The following TG variants were observed in gnomAD, a reference collection of about 807,000 sequenced individuals.
TG encodes thyroglobulin.
In TG, 270 loss-of-function variants were observed where a neutral mutation model predicts 324.7. The ratio of observed to expected loss-of-function variants is 0.83; its 90% CI spans 0.75 to 0.92. The LOEUF is 0.92. TG is among the 40% of genes least tolerant of loss of function. The pLI, the probability that TG is intolerant of heterozygous loss-of-function variation, is 0.00. For synonymous variants in TG, 1,401 were observed against 1,327.0 expected, an observed-to-expected ratio of 1.06 and a Z score of -1.21; for missense variants, 3,591 against 3,456.4, an observed-to-expected ratio of 1.04 and a Z score of -0.98.
intron 41 of TG, among the ~76,000 whole-genome samples, chr8:133,062,451 G>A (rs1021833957): frequency 1.3e-5 from 2 of 152,256 alleles, no homozygotes; most frequent in Admixed American, 6.5e-5. Context: ...CCGCAGTTCA[G>A]CAGACACTTC....
chr8:132,989,726 G>T (rs568213980), intron 35 of TG, among the ~76,000 whole-genome samples: 1 of 152,174 alleles, frequency 6.6e-6, no homozygotes, highest in Non-Finnish European at 1.5e-5. Context: ...GAATTCACTT[G>T]ATCTTTTCTG....
At chr8:133,018,672 C>G (rs1835285864) in intron 38 of TG, among the ~76,000 whole-genome samples, 1 of 152,068 alleles carries the variant, frequency 6.6e-6, no homozygotes. Flanking sequence ...TTAAAGCATA[C>G]TCGGAGTATC....
Position 132,882,927 on chromosome 8 carries a change from C to T in TG, c.1003C>T (p.Pro335Ser). 4 of 1,614,142 alleles carry T rather than the reference C, an allele frequency of 2.5e-6. No homozygotes were observed. Among genetic ancestry groups the T allele is most frequent in the Non-Finnish European group, 3.4e-6 (4 of 1,180,020 alleles). The change falls in exon 8 of 48, where the codon CCC becomes TCC. Residue 335 changes from proline to serine, a missense_variant. Physicochemically the swap from Pro to Ser is moderately conservative, Grantham distance 74 (BLOSUM62 -1). Transcript: ENST00000220616. ...GGCGGTGCAGTGCCAGACGGAAGGG[C>T]CCTGCTGGTGTGTGGACGCCCAGGG... ...YQAVQCQTEG[P>S]CWCVDAQGKE...
chr8:132,979,146 G>C (rs982112275), intron 34 of TG, among the ~76,000 whole-genome samples: 3 of 152,132 alleles, frequency 2.0e-5, no homozygotes, highest in African/African-American at 7.2e-5. Flanking sequence ...GGGAGGAGGG[G>C]GTGGTGCGTG....
In TG at chr8:132,867,207, C is replaced by T. The variant is rs117042760; in HGVS notation, c.67+140C>T. On this transcript the variant is annotated intron_variant, in intron 1 of 47. Coordinates refer to ENST00000220616, the MANE Select transcript of TG (RefSeq NM_003235.5). ...TGTCAGTGATTTGCTTTTTTTTTTT[C>T]AGATGAAGAGGCAGATTTAGAGAGC... The T allele has an allele frequency of 8.8e-3, 6,497 of 741,470 alleles. 57 individuals are homozygous for T. The highest frequency in any genetic ancestry group is 0.074 in the East Asian group (2,690 of 36,188). The allele number at this position is 741,470 out of a possible 1,614,324, so 45.9% of individuals were successfully genotyped here.
intron 10 of TG, among the ~76,000 whole-genome samples, chr8:132,892,504 T>C (rs1816368878): frequency 1.3e-5 from 2 of 152,250 alleles, no homozygotes; most frequent in Non-Finnish European, 2.9e-5. Context: ...GAGTATGAGC[T>C]ATTACTCATC....
intron 45 of TG, among the ~76,000 whole-genome samples, chr8:133,128,817 T>C (rs150258118): frequency 1.1e-3 from 167 of 152,310 alleles, no homozygotes; most frequent in Middle Eastern, 3.4e-3. Context: ...AGGCTGACCA[T>C]ATACTGACAC....
At chr8:133,095,504 C>T (rs1221865122) in intron 42 of TG, among the ~76,000 whole-genome samples, 2 of 152,192 alleles carry the variant, frequency 1.3e-5, no homozygotes, top group African/African-American at 4.8e-5. Flanking sequence ...TGAAGTCACA[C>T]ATGTGAAGGA....
At chr8:133,124,352 G>A (rs1476206695) in intron 45 of TG, among the ~76,000 whole-genome samples, 3 of 152,158 alleles carry the variant, frequency 2.0e-5, no homozygotes, top group African/African-American at 7.2e-5. Context: ...TTCTTTGAAT[G>A]GAAGAGTGGG....
rs370476341 is a variant in TG at position 132,933,601 on chromosome 8, C to A, written c.4857C>A (p.Ser1619=). The part of the protein sequence containing the change: ...EDEACSFFTV[S]TTEPEISCDF... ...AGGCCTGCAGCTTCTTCACCGTGTCCACGACGGAGCCAGAGATTTCCTGTG... is the reference window on the plus strand; with the variant it reads ...AGGCCTGCAGCTTCTTCACCGTGTCAACGACGGAGCCAGAGATTTCCTGTG... Residue 1619 remains serine (S), a synonymous_variant, in exon 24 of 48, where the codon TCC becomes TCA. Coordinates refer to ENST00000220616, the MANE Select transcript of TG (RefSeq NM_003235.5). The A allele has an allele frequency of 6.2e-7, 1 of 1,614,090 alleles. No homozygotes were observed. Among genetic ancestry groups the A allele is most frequent in the Non-Finnish European group, 8.5e-7 (1 of 1,180,020 alleles).
chr8:132,937,762 A>AT (rs35644874), intron 25 of TG, among the ~76,000 whole-genome samples: 3,027 of 150,990 alleles, frequency 0.02, 101 homozygotes, highest in African/African-American at 0.067. Flanking sequence ...TTAAGTGTTT[A>AT]TTTTTTTTTT....
chr8:132,994,870 T>C, intron 35 of TG: 1 of 1,252,074 alleles, frequency 8.0e-7, no homozygotes, highest in Non-Finnish European at 1.0e-6. Flanking sequence ...TATCTTGCTG[T>C]GATGGAGTAA....
chr8:132,914,384 G>T (rs1185525107), intron 20 of TG, among the ~76,000 whole-genome samples: 2 of 152,114 alleles, frequency 1.3e-5, no homozygotes, highest in South Asian at 2.1e-4. Flanking sequence ...ATTTATGTTG[G>T]TCGCAACATA....
chr8:132,910,066 G>A (rs1255388200), intron 18 of TG, among the ~76,000 whole-genome samples: 1 of 152,160 alleles, frequency 6.6e-6, no homozygotes, highest in African/African-American at 2.4e-5. Flanking sequence ...AGAATACTAA[G>A]CCCTTGGCAC....
chr8:133,015,901 A>G (rs1393624413), intron 37 of TG, among the ~76,000 whole-genome samples: 1 of 152,190 alleles, frequency 6.6e-6, no homozygotes, highest in Non-Finnish European at 1.5e-5. Flanking sequence ...TGCGACAGAG[A>G]AGGCTTCATT....
At chr8:133,001,391 G>GA (rs1833481826) in intron 35 of TG, among the ~76,000 whole-genome samples, 2 of 152,158 alleles carry the variant, frequency 1.3e-5, no homozygotes, top group Non-Finnish European at 2.9e-5. Context: ...TGTGAATGTT[G>GA]AAAGAGGCCC....
intron 41 of TG, among the ~76,000 whole-genome samples, chr8:133,057,828 C>T (rs1321084454): frequency 6.6e-6 from 1 of 151,648 alleles, no homozygotes; most frequent in Non-Finnish European, 1.5e-5. Flanking sequence ...AAGGCATTCA[C>T]TGTCCTGGCT....
At chr8:133,111,305 G>T (rs535881051) in intron 43 of TG, among the ~76,000 whole-genome samples, 3 of 152,184 alleles carry the variant, frequency 2.0e-5, no homozygotes, top group Non-Finnish European at 4.4e-5. Context: ...AAGCTAGGCA[G>T]GTTCTCTCAG....
intron 41 of TG, among the ~76,000 whole-genome samples, chr8:133,067,866 GA>G (rs1463789970): frequency 4.2e-3 from 207 of 49,372 alleles, no homozygotes; most frequent in African/African-American, 0.02. Flanking sequence ...AAGAAAGAAA[GA>G]AAGGAAGGAA....
Sources: allele counts gnomAD v4.1 joint callset (sites outside exome capture counted in the v4.1 genomes callset), GRCh38; gene constraint gnomAD v4.1.1; transcripts MANE v1.5; gene names NCBI Gene and HGNC (gene_info 2026-07-23, HGNC 2026-07-21).